The following HEXB variants were observed in gnomAD, a reference collection of about 807,000 sequenced individuals.
HEXB encodes the protein beta-hexosaminidase subunit beta.
HEXB carries 51 observed loss-of-function variants against 71.2 expected under a neutral mutation model. The observed-to-expected ratio is 0.72, with a 90% CI of 0.57 to 0.90. The LOEUF (loss-of-function observed/expected upper bound fraction) is 0.90, where lower values mean the gene tolerates loss of function less well. HEXB is among the 40% of genes least tolerant of loss of function. The pLI, the probability that HEXB is intolerant of heterozygous loss-of-function variation, is 0.00. For synonymous variants in HEXB, 266 were observed against 249.3 expected, an observed-to-expected ratio of 1.07 and a Z score of -0.63; for missense variants, 617 against 677.0, an observed-to-expected ratio of 0.91 and a Z score of 0.98.
chr5:74,685,412 A>T lies in HEXB; in HGVS notation c.152A>T (p.Lys51Met). The T allele has an allele frequency of 1.9e-6, 3 of 1,597,920 alleles. No homozygotes were observed. Among genetic ancestry groups the T allele is most frequent in the Non-Finnish European group, 8.5e-7 (1 of 1,174,578 alleles). The stretch of plus-strand genomic sequence containing the variant: ...GCTCGGGCCCCGAGCGTCTCGGCCA[A>T]GCCGGGGCCGGCGCTGTGGCCCCTG... ...EAARAPSVSA[K>M]PGPALWPLPL... Residue 51 changes from lysine (K) to methionine (M), a missense_variant, in exon 1 of 14, where the codon AAG becomes ATG. Physicochemically the swap from Lys to Met is moderately conservative, Grantham distance 95 (BLOSUM62 -1). Coordinates refer to ENST00000261416, the MANE Select transcript of HEXB (RefSeq NM_000521.4).
In HEXB at chr5:74,720,934, A is replaced by ATGTT. The variant is rs1749827701; in HGVS notation, c.1614-183_1614-180dup. ...TGTGACTGTTTTATAGATACAAAAA[A>ATGTT]TGTTGGTGTAACTTAGAACTCCATC... On this transcript the variant is annotated intron_variant, in intron 13 of 13. Transcript: ENST00000261416. 2.6e-5 allele frequency: 20 copies of ATGTT among 758,762 alleles called. No individual in the cohort carries two copies. In the South Asian group the frequency reaches 3.2e-4, roughly 12 times the overall value. 47.0% of individuals were successfully genotyped at this position (758,762 alleles called of 1,614,324 possible). A position where few individuals can be genotyped will look rare whatever the true frequency, so the allele number is the denominator to read the frequency against.
chr5:74,671,685 T>C (rs530286158), intron 1 of HEXB, among the ~76,000 whole-genome samples: 1 of 152,342 alleles, frequency 6.6e-6, no homozygotes, highest in South Asian at 2.1e-4. Flanking sequence ...CAATTTATTG[T>C]ATGTCAATCA....
chr5:74,689,197 T>G, intron 1 of HEXB, 131 bp from the exon 2 acceptor site: 6 of 744,618 alleles, frequency 8.1e-6, no homozygotes, highest in Non-Finnish European at 1.4e-5. Flanking sequence ...CAGCTTGGGG[T>G]GAGAATCTCT....
chr5:74,669,987 C>G (rs1748502271), intron 1 of HEXB, among the ~76,000 whole-genome samples: 1 of 152,134 alleles, frequency 6.6e-6, no homozygotes, highest in Non-Finnish European at 1.5e-5. Flanking sequence ...AGGAGGCAGA[C>G]CAATCCTAGG....
chr5:74,708,480 A>C (rs1413700921), intron 6 of HEXB, among the ~76,000 whole-genome samples: 1 of 150,410 alleles, frequency 6.6e-6, no homozygotes, highest in Non-Finnish European at 1.5e-5. Flanking sequence ...GCTCCAATTA[A>C]AAGACACAGA....
chr5:74,685,363 C>G lies in HEXB; in HGVS notation c.103C>G (p.Leu35Val). Residue 35 changes from leucine to valine, a missense_variant, in exon 1 of 14, where the codon CTG (leucine) becomes GTG (valine). Transcript: ENST00000261416. Reference protein sequence around the residue: ...AMLALLTQVALVVQVAEAARA... With the variant: ...AMLALLTQVAVVVQVAEAARA... ...GTTGGCGCTGCTGACTCAGGTGGCGCTGGTGGTGCAGGTGGCGGAGGCGGC... is the reference window on the plus strand; with the variant it reads ...GTTGGCGCTGCTGACTCAGGTGGCGGTGGTGGTGCAGGTGGCGGAGGCGGC... 6.3e-7 allele frequency: 1 copy of G among 1,588,324 alleles called. No homozygotes were observed. The highest frequency in any genetic ancestry group is 1.1e-5 in the South Asian group (1 of 88,894).
chr5:74,714,347 C>CAA (rs1749624683), intron 7 of HEXB, among the ~76,000 whole-genome samples: 1 of 152,000 alleles, frequency 6.6e-6, no homozygotes, highest in Non-Finnish European at 1.5e-5. Context: ...TGAAAGAAAA[C>CAA]AAAAAGTGAT....
At chr5:74,707,311 C>A (rs1188572317) in intron 6 of HEXB, among the ~76,000 whole-genome samples, 5 of 152,112 alleles carry the variant, frequency 3.3e-5, no homozygotes, top group African/African-American at 1.2e-4. Flanking sequence ...TCATCAAAGA[C>A]CAAAAGTAGA....
chr5:74,652,908 C>G lies in HEXB; in HGVS notation c.-377+12350C>G, dbSNP rs1462947562. Among the ~76,000 whole-genome samples, 3 of 152,188 alleles carry G rather than the reference C, an allele frequency of 2.0e-5. No homozygotes were observed. Among genetic ancestry groups the G allele is most frequent in the African/African-American group, 7.2e-5 (3 of 41,428 alleles). On this transcript the variant is annotated intron_variant, in intron 1 of 13. Transcript: ENST00000511181. This position sits in a 1 kb window ranked among gnomAD's most constrained non-coding sequence, Gnocchi z 5.4. The stretch of plus-strand genomic sequence containing the variant: ...CACATCTACGCTAGTGACACATATC[C>G]CTTTATATACCAGTCATTTTTAATG...
Position 74,691,974 on chromosome 5 carries a change from A to G in HEXB, c.446-1665A>G, listed in dbSNP as rs1749013295. Among the ~76,000 whole-genome samples, 5 of 148,574 alleles carry G rather than the reference A, an allele frequency of 3.4e-5. No individual in the cohort carries two copies. The South Asian group carries it at 1.0e-3, about 31-fold the overall frequency. ...TATAGCTATGTGTCCATATATTTAG[A>G]AAACCAAATTTCTAATTGTTATATG... On this transcript the variant is annotated intron_variant, in intron 2 of 13. Transcript: ENST00000261416.
Position 74,716,663 on chromosome 5 carries a change from T to G in HEXB, c.1159T>G (p.Tyr387Asp), listed in dbSNP as rs1389109044. ...AGATTTTAAGAAACTAGAATCTTTCTACATTCAAAAGTAAGTTGTTTGAAA... is the reference window on the plus strand; with the variant it reads ...AGATTTTAAGAAACTAGAATCTTTCGACATTCAAAAGTAAGTTGTTTGAAA... The part of the protein sequence containing the change: ...GTDFKKLESF[Y>D]IQKVLDIIAT... Residue 387 changes from tyrosine (Y) to aspartate (D), a missense_variant, in exon 9 of 14, where the codon TAC becomes GAC. Coordinates refer to ENST00000261416, the MANE Select transcript of HEXB (RefSeq NM_000521.4). The G allele has an allele frequency of 6.3e-7, 1 of 1,596,032 alleles. No homozygotes were observed. The highest frequency in any genetic ancestry group is 1.3e-5 in the African/African-American group (1 of 74,540).
chr5:74,691,941 G>A (rs1337596411), intron 2 of HEXB, among the ~76,000 whole-genome samples: 1 of 152,088 alleles, frequency 6.6e-6, no homozygotes, highest in Admixed American at 6.6e-5. Context: ...AAGTAAAAAT[G>A]GAAATTCTAT....
chr5:74,657,290 A>G (rs974081593), intron 1 of HEXB, among the ~76,000 whole-genome samples: 2 of 152,110 alleles, frequency 1.3e-5, no homozygotes, highest in East Asian at 3.9e-4. Context: ...TTGTCCCCAG[A>G]TACCCACCAC....
intron 1 of HEXB, among the ~76,000 whole-genome samples, chr5:74,649,072 T>A (rs1748055762): frequency 6.6e-6 from 1 of 152,356 alleles, no homozygotes; most frequent in South Asian, 2.1e-4. Context: ...ACATTGTGTG[T>A]AGACCCTTGT....
intron 2 of HEXB, among the ~76,000 whole-genome samples, chr5:74,690,743 C>T (rs1487728408): frequency 2.0e-5 from 3 of 149,478 alleles, no homozygotes; most frequent in Non-Finnish European, 4.4e-5. Context: ...CTCCATTACC[C>T]CCAGACTGCC....
intron 1 of HEXB, among the ~76,000 whole-genome samples, chr5:74,644,005 G>A (rs1463410903): frequency 1.3e-5 from 2 of 152,262 alleles, no homozygotes; most frequent in African/African-American, 4.8e-5. Flanking sequence ...GAGACAGAGT[G>A]TGGCAGAGGG....
At chr5:74,667,770 C>T (rs774114043) in intron 1 of HEXB, among the ~76,000 whole-genome samples, 2 of 152,144 alleles carry the variant, frequency 1.3e-5, no homozygotes, top group Non-Finnish European at 2.9e-5. Context: ...AACCCCGTGT[C>T]GTTAGATTTC....
At chr5:74,685,002 G>T, upstream of HEXB, 1 of 491,460 alleles carries the variant, frequency 2.0e-6, no homozygotes, top group East Asian at 3.6e-5. Flanking sequence ...TCTTACTTTA[G>T]CCATCCCGTG....
chr5:74,698,229 C>T (rs1477300098), intron 5 of HEXB, among the ~76,000 whole-genome samples: 4 of 151,486 alleles, frequency 2.6e-5, no homozygotes, highest in African/African-American at 9.7e-5. Flanking sequence ...AGGCATGCAC[C>T]ACCACGCCCA....
Sources: gnomAD v4.1 joint callset for allele counts (sites outside exome capture counted in the v4.1 genomes callset) on GRCh38, gnomAD v4.1.1 for gene constraint, Gnocchi (gnomAD v3.1) non-coding constraint, MANE v1.5 for transcripts, NCBI Gene and HGNC (gene_info 2026-07-23, HGNC 2026-07-21) for gene names.